Variants in C10orf90 observed in about 807,000 individuals in gnomAD.
C10orf90 encodes (E2-independent) E3 ubiquitin-conjugating enzyme FATS.
A neutral mutation model predicts 62.5 loss-of-function variants in C10orf90; 56 were observed. That is an observed-to-expected ratio of 0.90 (90% CI 0.72 to 1.12). The LOEUF is 1.12. Among genes scored for constraint, C10orf90 ranks in the 50% most tolerant of loss-of-function variants. C10orf90 has a pLI of 0.00. For missense variants in C10orf90, 970 were observed against 880.4 expected (o/e 1.10, Z -1.29); for synonymous variants, 386 against 340.4 (o/e 1.13, Z -1.47).
At chr10:126,587,600 A>T (rs531590138) in intron 2 of C10orf90, among the ~76,000 whole-genome samples, 2 of 152,318 alleles carry the variant, frequency 1.3e-5, no homozygotes, top group South Asian at 4.1e-4. Context: ...ATGCCATCAC[A>T]TTGAGGGTTA....
At chr10:126,537,918 C>G (rs2133963419) in intron 2 of C10orf90, among the ~76,000 whole-genome samples, 1 of 152,124 alleles carries the variant, frequency 6.6e-6, no homozygotes, top group East Asian at 1.9e-4. Flanking sequence ...TAGAGTGGGC[C>G]CTAACCCAAT....
chr10:126,558,770 ATG>A (rs1326945818), intron 2 of C10orf90, among the ~76,000 whole-genome samples: 2 of 152,184 alleles, frequency 1.3e-5, no homozygotes. Flanking sequence ...CCCACTAGTA[ATG>A]TGTCTCTCTT....
Position 126,461,397 on chromosome 10 carries a change from T to C in C10orf90, c.2010+4A>G, listed in dbSNP as rs756473449. The C allele has an allele frequency of 1.2e-6, 2 of 1,613,732 alleles. No individual in the cohort carries two copies. The highest frequency in any genetic ancestry group is 4.5e-5 in the East Asian group (2 of 44,872). On this transcript the variant is annotated splice_donor_region_variant and intron_variant, in intron 6 of 9. Transcript: ENST00000488181. ...ATCAAGCCAGGACACACAGAAGGCC[T>C]TACTTGCAAGGTCAAAGATCTTGCA...
At chr10:126,441,715 T>C (rs962580522) in intron 7 of C10orf90, among the ~76,000 whole-genome samples, 1 of 152,142 alleles carries the variant, frequency 6.6e-6, no homozygotes, top group Non-Finnish European at 1.5e-5. Context: ...CTAGAAGGGA[T>C]TGGGGCCCTA....
At chr10:126,552,652 T>C (rs7920905) in intron 2 of C10orf90, among the ~76,000 whole-genome samples, 110,371 of 152,132 alleles carry the variant, frequency 0.73, 40,129 homozygotes, top group Middle Eastern at 0.78. Context: ...AGTGGGCATT[T>C]CCTTTCCGCT....
chr10:126,487,333 A>G (rs1387335012), intron 4 of C10orf90, among the ~76,000 whole-genome samples: 1 of 152,086 alleles, frequency 6.6e-6, no homozygotes, highest in Non-Finnish European at 1.5e-5. Context: ...CATTAAAAGA[A>G]CCAAAAAGAA....
intron 4 of C10orf90, chr10:126,470,057 G>A (rs1860493831): frequency 2.2e-6 from 1 of 455,974 alleles, no homozygotes; most frequent in African/African-American, 2.0e-5. Flanking sequence ...CAGAGAAGGA[G>A]GGAAGGTGTT....
chr10:126,520,877 C>G (rs1863708174), intron 2 of C10orf90: 1 of 155,430 alleles, frequency 6.4e-6, no homozygotes, highest in South Asian at 2.0e-4. Context: ...GCCTCCAAAA[C>G]TCTCTCCTTT....
intron 1 of C10orf90, among the ~76,000 whole-genome samples, chr10:126,667,867 ATT>A: frequency 6.6e-6 from 1 of 152,286 alleles, no homozygotes; most frequent in South Asian, 2.1e-4. Flanking sequence ...AGTTTGGGGC[ATT>A]TTTAGAGTGT....
intron 2 of C10orf90, among the ~76,000 whole-genome samples, chr10:126,571,411 G>C (rs1174542030): frequency 6.6e-6 from 1 of 152,190 alleles, no homozygotes; most frequent in African/African-American, 2.4e-5. Context: ...AACCTGCAGG[G>C]CTGCTCCTGC....
intron 7 of C10orf90, among the ~76,000 whole-genome samples, chr10:126,444,401 A>G (rs1858603472): frequency 6.6e-6 from 1 of 152,128 alleles, no homozygotes; most frequent in African/African-American, 2.4e-5. Context: ...GAATCAAATC[A>G]AGAGCTCAAC....
intron 2 of C10orf90, among the ~76,000 whole-genome samples, chr10:126,534,459 T>A (rs1441979414): frequency 6.6e-6 from 1 of 152,198 alleles, no homozygotes; most frequent in Admixed American, 6.5e-5. Flanking sequence ...ATTCTCTTAG[T>A]CCTTAGGATC....
chr10:126,547,147 T>C (rs541925171), intron 2 of C10orf90, among the ~76,000 whole-genome samples: 127 of 150,508 alleles, frequency 8.4e-4, no homozygotes, highest in African/African-American at 2.4e-3. Flanking sequence ...AGGCCGGGCG[T>C]TGTGGCTCAC....
At chr10:126,561,410 G>A (rs1161046612) in intron 2 of C10orf90, among the ~76,000 whole-genome samples, 2 of 152,090 alleles carry the variant, frequency 1.3e-5, no homozygotes, top group African/African-American at 2.4e-5. Context: ...ATTGCAAAGC[G>A]GCAAGCTGGC....
At chr10:126,579,595 C>T (rs1338285260) in intron 2 of C10orf90, among the ~76,000 whole-genome samples, 1 of 152,132 alleles carries the variant, frequency 6.6e-6, no homozygotes, top group African/African-American at 2.4e-5. Context: ...GAACTCTGTT[C>T]ACAGACCATT....
At chr10:126,615,097 G>A (rs189269444) in intron 2 of C10orf90, among the ~76,000 whole-genome samples, 80 of 152,250 alleles carry the variant, frequency 5.3e-4, no homozygotes, top group African/African-American at 1.8e-3. Context: ...CATCCTCCAC[G>A]GAGGCTGGGC....
At position 126,464,820 on chromosome 10, in the gene C10orf90, C is replaced by G. The variant is rs1263490072; in HGVS notation, c.1701G>C (p.Glu567Asp). 1 of 1,614,018 alleles carries G rather than the reference C, an allele frequency of 6.2e-7. No homozygotes were observed. Among genetic ancestry groups the G allele is most frequent in the African/African-American group, 1.3e-5 (1 of 74,898 alleles). The change falls in exon 5 of 10, where the codon GAG becomes GAC. Residue 567 changes from glutamate (E) to aspartate (D), a missense_variant. Glu to Asp is a conservative substitution (Grantham distance 45). Transcript: ENST00000488181. The part of the protein sequence containing the change: ...CLSRDLSEPT[E>D]RRHQSFLKPR... The stretch of plus-strand genomic sequence containing the variant: ...GTTTCAGGAAGCTTTGATGTCGTCT[C>G]TCTGTGGGCTCAGAAAGGTCTCTAG...
intron 2 of C10orf90, among the ~76,000 whole-genome samples, chr10:126,637,618 G>A (rs1456124439): frequency 6.6e-6 from 1 of 152,214 alleles, no homozygotes; most frequent in Non-Finnish European, 1.5e-5. Flanking sequence ...GGACATGCAG[G>A]TAAGGGGCTA....
intron 2 of C10orf90, among the ~76,000 whole-genome samples, chr10:126,576,755 G>C (rs1202876947): frequency 0.11 from 6,397 of 59,196 alleles, 122 homozygotes; most frequent in African/African-American, 0.24. Flanking sequence ...TATACATATA[G>C]ATAATATGTA....
Sources: allele counts gnomAD v4.1 joint callset (sites outside exome capture counted in the v4.1 genomes callset), GRCh38; gene constraint gnomAD v4.1.1; transcripts MANE v1.5; gene names NCBI Gene and HGNC (gene_info 2026-07-23, HGNC 2026-07-21).